Variants in DISC1 observed in about 807,000 individuals in gnomAD.
DISC1 encodes the protein disrupted in schizophrenia 1 protein.
DISC1 carries 57 observed loss-of-function variants against 84.5 expected under a neutral mutation model. The observed-to-expected ratio is 0.67, with a 90% CI of 0.55 to 0.84. DISC1 has a LOEUF of 0.84. Among genes scored for constraint, DISC1 ranks in the 40% least tolerant of loss-of-function variants. The pLI is 0.00. For missense variants in DISC1, 1,000 were observed against 1,057.8 expected (o/e 0.95, Z 0.76); for synonymous variants, 411 against 415.2 (o/e 0.99, Z 0.12).
Position 231,635,876 on chromosome 1 carries a change from T to C in DISC1, c.67+8942T>C, listed in dbSNP as rs114836464. ...CAAATAGATAGTGTTGTCTACACCA[T>C]TGAGAAGCCTATAGTCCCGTGGAAA... On this transcript the variant is annotated intron_variant, in intron 1 of 12. Coordinates refer to ENST00000439617, the MANE Select transcript of DISC1 (RefSeq NM_018662.3). 9.3e-3 allele frequency among the ~76,000 whole-genome samples: 1,417 copies of C among 152,330 alleles called. 26 individuals carry two copies. Among genetic ancestry groups the C allele is most frequent in the African/African-American group, 0.033 (1,368 of 41,572 alleles).
At chr1:231,807,295 C>G (rs961878709) in intron 8 of DISC1, among the ~76,000 whole-genome samples, 4 of 152,252 alleles carry the variant, frequency 2.6e-5, no homozygotes, top group African/African-American at 9.6e-5. Flanking sequence ...GCCCCTGAGG[C>G]CCGGCGAGTA....
At chr1:231,672,450 T>A (rs796190485) in intron 1 of DISC1, among the ~76,000 whole-genome samples, 37 of 152,378 alleles carry the variant, frequency 2.4e-4, no homozygotes, top group African/African-American at 8.4e-4. Flanking sequence ...GCTATGTCAT[T>A]CTGCCCTGTC....
chr1:231,669,482 G>C (rs900069327), intron 1 of DISC1, among the ~76,000 whole-genome samples: 4 of 151,928 alleles, frequency 2.6e-5, no homozygotes, highest in African/African-American at 9.7e-5. Flanking sequence ...ATCCAACGAA[G>C]GTCTAATATC....
rs113114419 is a variant in DISC1, at chr1:231,911,863, T to G, written c.1982-46965T>G. Among the ~76,000 whole-genome samples, 951 of 152,330 alleles carry G rather than the reference T, an allele frequency of 6.2e-3. 10 individuals are homozygous for G. The highest frequency in any genetic ancestry group is 0.022 in the African/African-American group (908 of 41,568). On this transcript the variant is annotated intron_variant, in intron 9 of 12. Transcript: ENST00000439617. ...CATAGTGCCATATTTCTTGGAGGTT[T>G]GTTTGTTTCTTTTTACTCCTTTTCC...
intron 8 of DISC1, among the ~76,000 whole-genome samples, chr1:231,802,785 CTT>C (rs1228444999): frequency 6.6e-6 from 1 of 152,082 alleles, no homozygotes; most frequent in African/African-American, 2.4e-5. Flanking sequence ...ATTAGGGACT[CTT>C]TTTTATATTG....
At chr1:231,662,075 C>G (rs964638377) in intron 1 of DISC1, among the ~76,000 whole-genome samples, 1 of 152,150 alleles carries the variant, frequency 6.6e-6, no homozygotes, top group African/African-American at 2.4e-5. Context: ...GGAGATATCA[C>G]CAGTGAAGGC....
At chr1:231,765,965 C>T (rs2076140924) in intron 4 of DISC1, among the ~76,000 whole-genome samples, 1 of 151,982 alleles carries the variant, frequency 6.6e-6, no homozygotes, top group Non-Finnish European at 1.5e-5. Context: ...GAGCCATATA[C>T]ACAATTTTAA....
At chr1:231,707,527 TAC>T (rs2067238620) in intron 3 of DISC1, among the ~76,000 whole-genome samples, 1 of 152,136 alleles carries the variant, frequency 6.6e-6, no homozygotes. Context: ...TGAGACTCAC[TAC>T]ATCCTTAGCA....
chr1:231,692,810 A>C (rs2065206551), intron 1 of DISC1, among the ~76,000 whole-genome samples: 1 of 152,246 alleles, frequency 6.6e-6, no homozygotes, highest in Admixed American at 6.5e-5. Flanking sequence ...TCTGAATCTC[A>C]GTTGCCTTTA....
At chr1:232,032,450 A>T (rs1240023069) in intron 12 of DISC1, among the ~76,000 whole-genome samples, 2 of 152,190 alleles carry the variant, frequency 1.3e-5, no homozygotes, top group Admixed American at 1.3e-4. Flanking sequence ...TGCTAATTGC[A>T]AACACAGACA....
chr1:231,738,169 G>A (rs1044368468), intron 3 of DISC1, among the ~76,000 whole-genome samples: 4 of 152,132 alleles, frequency 2.6e-5, no homozygotes, highest in African/African-American at 9.7e-5. Flanking sequence ...ACCCCATTGT[G>A]TATGCCCCCA....
chr1:231,765,840 G>A (rs113051206), intron 4 of DISC1, among the ~76,000 whole-genome samples: 4 of 152,214 alleles, frequency 2.6e-5, no homozygotes, highest in African/African-American at 7.2e-5. Flanking sequence ...TGAGAAGCTC[G>A]CATCCAAGCA....
intron 1 of DISC1, among the ~76,000 whole-genome samples, chr1:231,676,398 C>T (rs905218236): frequency 5.3e-5 from 8 of 152,142 alleles, no homozygotes; most frequent in Non-Finnish European, 1.0e-4. Flanking sequence ...CCTGTCCCAC[C>T]GGTCTGTGTC....
At chr1:231,933,135 C>T (rs1258207776) in intron 9 of DISC1, among the ~76,000 whole-genome samples, 1 of 152,144 alleles carries the variant, frequency 6.6e-6, no homozygotes, top group Non-Finnish European at 1.5e-5. Flanking sequence ...TATAGACACT[C>T]TGTGAGGGAA....
chr1:231,682,715 C>G (rs74146706), intron 1 of DISC1, among the ~76,000 whole-genome samples: 221 of 152,332 alleles, frequency 1.5e-3, no homozygotes, highest in African/African-American at 5.0e-3. Flanking sequence ...AAAGACAGCA[C>G]AAAGTTCCTT....
chr1:231,827,503 A>T (rs536822134), intron 9 of DISC1, among the ~76,000 whole-genome samples: 4 of 152,302 alleles, frequency 2.6e-5, no homozygotes, highest in South Asian at 2.1e-4. Flanking sequence ...CTTCCTGTAC[A>T]CATTCCTGCC....
chr1:231,727,589 G>T (rs534392568), intron 3 of DISC1, among the ~76,000 whole-genome samples: 1 of 152,288 alleles, frequency 6.6e-6, no homozygotes, highest in African/African-American at 2.4e-5. Context: ...CCCTTGAGTA[G>T]AATTAAATCT....
At chr1:231,799,407 A>T (rs2079007383) in intron 7 of DISC1, among the ~76,000 whole-genome samples, 1 of 152,126 alleles carries the variant, frequency 6.6e-6, no homozygotes, top group Admixed American at 6.6e-5. Context: ...GGCACAGAGC[A>T]AAATCCCTGC....
intron 3 of DISC1, among the ~76,000 whole-genome samples, chr1:231,719,154 G>T (rs191226066): frequency 6.6e-5 from 10 of 152,138 alleles, no homozygotes; most frequent in African/African-American, 2.4e-4. Flanking sequence ...TGGTTTCAGT[G>T]CCCCTTCTTT....
Sources: allele counts gnomAD v4.1 joint callset (sites outside exome capture counted in the v4.1 genomes callset), GRCh38; gene constraint gnomAD v4.1.1; transcripts MANE v1.5; gene names NCBI Gene and HGNC (gene_info 2026-07-23, HGNC 2026-07-21).